The following VWA8 variants were observed in gnomAD, a reference collection of about 807,000 sequenced individuals.
VWA8 encodes the protein von Willebrand factor A domain containing 8, also known as von Willebrand factor A domain-containing protein 8.
Under a neutral mutation model 241.5 loss-of-function variants are expected in VWA8, and 221 were observed. That is an observed-to-expected ratio of 0.91 (90% confidence interval 0.82 to 1.02). The LOEUF (loss-of-function observed/expected upper bound fraction) is 1.02, where lower values mean the gene tolerates loss of function less well. VWA8 is among the 50% of genes least tolerant of loss of function. The pLI is 0.00. For missense variants in VWA8, 2,322 were observed against 2,328.7 expected (o/e 1.00, Z 0.06); for synonymous variants, 852 against 827.1 (o/e 1.03, Z -0.52).
chr13:41,744,328 T>A (rs2045588571), intron 21 of VWA8, among the ~76,000 whole-genome samples: 1 of 152,240 alleles, frequency 6.6e-6, no homozygotes, highest in Non-Finnish European at 1.5e-5. Context: ...TGTTGACTGT[T>A]CGAATGAATG....
chr13:41,955,971 T>G (rs1878334781), intron 1 of VWA8: 2 of 152,246 alleles, frequency 1.3e-5, no homozygotes, highest in Admixed American at 6.5e-5. Context: ...CGTTTCAGAA[T>G]GGAGCTCTCT....
chr13:41,705,793 A>C (rs1292725614), intron 26 of VWA8, among the ~76,000 whole-genome samples: 1 of 152,192 alleles, frequency 6.6e-6, no homozygotes, highest in African/African-American at 2.4e-5. Context: ...AGTAGAGAGA[A>C]GTGTCACTGG....
intron 28 of VWA8, among the ~76,000 whole-genome samples, chr13:41,701,113 A>G (rs1003460017): frequency 2.0e-5 from 3 of 152,136 alleles, no homozygotes; most frequent in African/African-American, 7.2e-5. Context: ...TTTCCCTTCT[A>G]TTTTTAGCAC....
intron 20 of VWA8, among the ~76,000 whole-genome samples, chr13:41,762,577 C>G (rs1204692778): frequency 6.6e-6 from 1 of 152,128 alleles, no homozygotes; most frequent in Non-Finnish European, 1.5e-5. Flanking sequence ...TTTCTCACTT[C>G]TAGGTCCATC....
At chr13:41,819,015 A>C (rs1369460796) in intron 15 of VWA8, among the ~76,000 whole-genome samples, 1 of 152,192 alleles carries the variant, frequency 6.6e-6, no homozygotes, top group African/African-American at 2.4e-5. Flanking sequence ...GGAGCCCAGA[A>C]ACCTGTTTTA....
chr13:41,613,071 G>T (rs1013509828), intron 38 of VWA8, among the ~76,000 whole-genome samples: 25 of 152,036 alleles, frequency 1.6e-4, no homozygotes, highest in African/African-American at 5.8e-4. Context: ...AAATTTGAAG[G>T]CTTTTAGACT....
intron 2 of VWA8, among the ~76,000 whole-genome samples, chr13:41,939,313 T>C (rs1017812967): frequency 6.6e-6 from 1 of 152,208 alleles, no homozygotes; most frequent in African/African-American, 2.4e-5. Flanking sequence ...CATGAAAGAA[T>C]CCCTTTTTGA....
intron 40 of VWA8, 46 bp from the exon 41 acceptor site, chr13:41,590,811 A>T: frequency 6.2e-7 from 1 of 1,605,044 alleles, no homozygotes; most frequent in Non-Finnish European, 8.5e-7. Context: ...TTAGTTATGC[A>T]GAGTCTCTGA....
Position 41,685,236 on chromosome 13 carries a change from T to C in VWA8, c.4138A>G (p.Ser1380Gly). 4.3e-6 allele frequency: 7 copies of C among 1,609,526 alleles called. No individual in the cohort carries two copies. Among genetic ancestry groups the C allele is most frequent in the Non-Finnish European group, 5.9e-6 (7 of 1,178,590 alleles). Residue 1380 changes from serine (S) to glycine (G), a missense_variant, in exon 35 of 45, where the codon AGT becomes GGT. Physicochemically the swap from Ser to Gly is moderately conservative, Grantham distance 56. Transcript: ENST00000379310. ...VVGFPDLMSP[S>G]EVYSWKRPSS... ...GGTCTCTTCCAAGAATAAACTTCAC[T>C]GGGTGACTGAAAAAAAGAAAGAGAT...
chr13:41,687,762 C>T (rs1468541381), intron 34 of VWA8, among the ~76,000 whole-genome samples: 2 of 152,080 alleles, frequency 1.3e-5, no homozygotes, highest in Non-Finnish European at 2.9e-5. Flanking sequence ...GCCTAGCTGA[C>T]TCTAATCTTC....
chr13:41,887,380 C>G lies in VWA8; in HGVS notation c.652-19G>C. ...TATGATCCTATAAAAGTAAGAGATC[C>G]GGAAGCTATAGCATAAATGATACAA... On this transcript the variant is annotated intron_variant, in intron 5 of 44. Transcript: ENST00000379310. 6.2e-7 allele frequency: 1 copy of G among 1,602,436 alleles called. No individual in the cohort carries two copies. The highest frequency in any genetic ancestry group is 8.5e-7 in the Non-Finnish European group (1 of 1,176,122).
chr13:41,717,220 T>C (rs1439353503), intron 26 of VWA8, among the ~76,000 whole-genome samples: 1 of 151,974 alleles, frequency 6.6e-6, no homozygotes, highest in Non-Finnish European at 1.5e-5. Context: ...CTCAAAAATG[T>C]CCTGATTTAG....
At chr13:41,740,755 T>C (rs2039282) in intron 21 of VWA8, among the ~76,000 whole-genome samples, 2,610 of 152,290 alleles carry the variant, frequency 0.017, 33 homozygotes, top group Middle Eastern at 0.054. Context: ...TCTCATCTCC[T>C]GGGAAATCTA....
chr13:41,846,768 G>A (rs1050234210), intron 12 of VWA8, among the ~76,000 whole-genome samples: 2 of 152,172 alleles, frequency 1.3e-5, no homozygotes, highest in Non-Finnish European at 2.9e-5. Context: ...TAGGCACGGT[G>A]GCTCACGCCT....
intron 14 of VWA8, among the ~76,000 whole-genome samples, chr13:41,828,749 G>A (rs189779464): frequency 6.6e-6 from 1 of 152,114 alleles, no homozygotes; most frequent in African/African-American, 2.4e-5. Flanking sequence ...CATCTCATAA[G>A]AATAGGAATA....
chr13:41,697,435 A>G (rs1182953380), intron 29 of VWA8, among the ~76,000 whole-genome samples: 1 of 151,774 alleles, frequency 6.6e-6, no homozygotes, highest in Non-Finnish European at 1.5e-5. Flanking sequence ...GGCCTACAAG[A>G]CTCTACACCA....
intron 12 of VWA8, among the ~76,000 whole-genome samples, chr13:41,859,485 T>TA (rs1411263474): frequency 6.6e-6 from 1 of 152,204 alleles, no homozygotes; most frequent in Non-Finnish European, 1.5e-5. Flanking sequence ...AATTTTAGAT[T>TA]AAATTTGACT....
intron 14 of VWA8, among the ~76,000 whole-genome samples, chr13:41,827,617 T>C (rs538943544): frequency 2.0e-5 from 3 of 152,278 alleles, no homozygotes; most frequent in African/African-American, 7.2e-5. Context: ...TGAAAATTTT[T>C]AAAAAGTAAG....
chr13:41,883,448 AGCCACTGGATT>A lies in VWA8; in HGVS notation c.1008_1018del (p.Ile337LeufsTer4), dbSNP rs1874362714. The A allele has an allele frequency of 6.2e-7, 1 of 1,613,778 alleles. No homozygotes were observed. The highest frequency in any genetic ancestry group is 8.5e-7 in the Non-Finnish European group (1 of 1,179,800). On this transcript the variant is annotated frameshift_variant, in exon 9 of 45. Transcript: ENST00000379310. LOFTEE classifies it high-confidence loss of function. ...ACCTAGTAAAATACTATATGGATAA[AGCCACTGGATT>A]GCATGTTTGATTGGCATCATAGGAA...
Sources: gnomAD v4.1 joint callset for allele counts (sites outside exome capture counted in the v4.1 genomes callset) on GRCh38, gnomAD v4.1.1 for gene constraint, MANE v1.5 for transcripts, NCBI Gene and HGNC (gene_info 2026-07-23, HGNC 2026-07-21) for gene names.